Variants in CAMTA1 observed in about 807,000 individuals in gnomAD.
CAMTA1 encodes calmodulin-binding transcription activator 1.
CAMTA1 carries 27 observed loss-of-function variants against 170.9 expected under a neutral mutation model. The ratio of observed to expected loss-of-function variants is 0.16; its 90% CI spans 0.12 to 0.22. CAMTA1 has a LOEUF of 0.22. CAMTA1 is among the 10% of genes least tolerant of loss of function. The probability of loss-of-function intolerance (pLI) is 1.00; values close to 1 mark genes in which losing one functional copy is unlikely to be tolerated. For missense variants in CAMTA1, 1,619 were observed against 2,217.2 expected, an observed-to-expected ratio of 0.73 and a Z score of 5.42; for synonymous variants, 833 against 891.5, an observed-to-expected ratio of 0.93 and a Z score of 1.17.
intron 3 of CAMTA1, among the ~76,000 whole-genome samples, chr1:6,921,247 C>T (rs1681946396): frequency 6.6e-6 from 1 of 152,140 alleles, no homozygotes. Flanking sequence ...GGCAAAATGC[C>T]ACCTTTTTGC....
Position 6,994,855 on chromosome 1 carries a change from A to T in CAMTA1, c.235-96449A>T, listed in dbSNP as rs574438736. On this transcript the variant is annotated intron_variant, in intron 3 of 22. Transcript: ENST00000303635. ...ACTAAATTTTGTATTTTCTGTAGAG[A>T]CAGAGTTTCGCCATGTTGGTCAGGC... Among the ~76,000 whole-genome samples, 6 of 152,180 alleles carry T rather than the reference A, an allele frequency of 3.9e-5. No individual in the cohort carries two copies. In the South Asian group the frequency reaches 1.2e-3, roughly 32 times the overall value.
At chr1:7,711,047 A>C (rs2096567214) in intron 11 of CAMTA1, among the ~76,000 whole-genome samples, 1 of 152,132 alleles carries the variant, frequency 6.6e-6, no homozygotes, top group Non-Finnish European at 1.5e-5. Flanking sequence ...TGCTCTAACA[A>C]AGTACCATGG....
chr1:7,382,730 G>A (rs989132178), intron 5 of CAMTA1: 9 of 152,082 alleles, frequency 5.9e-5, no homozygotes, highest in African/African-American at 2.2e-4. Flanking sequence ...CCTCCTGCAG[G>A]CAAAAGAATA....
intron 11 of CAMTA1, among the ~76,000 whole-genome samples, chr1:7,704,306 G>A (rs892201765): frequency 6.9e-6 from 1 of 145,590 alleles, no homozygotes; most frequent in Admixed American, 6.8e-5. Context: ...GGAACGGGAG[G>A]CCCGCGCGGG....
chr1:6,979,791 GC>G (rs1477457914), intron 3 of CAMTA1, among the ~76,000 whole-genome samples: 1 of 151,550 alleles, frequency 6.6e-6, no homozygotes, highest in Non-Finnish European at 1.5e-5. Flanking sequence ...CCTCATGGTG[GC>G]GTAGCTGGGG....
chr1:7,081,001 T>C (rs1041560175), intron 3 of CAMTA1, among the ~76,000 whole-genome samples: 4 of 152,292 alleles, frequency 2.6e-5, no homozygotes, highest in Admixed American at 6.5e-5. Context: ...TGGCCAAAAT[T>C]CAGACCTCTT....
chr1:6,890,213 A>G (rs1420680872), intron 3 of CAMTA1, among the ~76,000 whole-genome samples: 1 of 152,164 alleles, frequency 6.6e-6, no homozygotes, highest in Admixed American at 6.5e-5. Context: ...TTCCTACTCC[A>G]TTAAGCCATG....
rs530297759 is a variant in CAMTA1, at chr1:7,226,241, T to C, written c.303-23250T>C. ...CAAAGCTCACTGCCTCCCCCTCAAA[T>C]TCCCGCCCCGCCACCTCACCCTCAT... On this transcript the variant is annotated intron_variant, in intron 4 of 22. Coordinates refer to ENST00000303635, the MANE Select transcript of CAMTA1 (RefSeq NM_015215.4). 3.3e-5 allele frequency among the ~76,000 whole-genome samples: 5 copies of C among 152,158 alleles called. No individual in the cohort carries two copies. In the East Asian group the frequency reaches 9.7e-4, roughly 29 times the overall value.
intron 5 of CAMTA1, among the ~76,000 whole-genome samples, chr1:7,253,016 AT>A (rs1301153147): frequency 6.6e-6 from 1 of 152,122 alleles, no homozygotes; most frequent in African/African-American, 2.4e-5. Flanking sequence ...TAGGTCCATG[AT>A]TAGTTGTCTT....
chr1:7,004,016 C>T (rs2100670405), intron 3 of CAMTA1, among the ~76,000 whole-genome samples: 1 of 152,314 alleles, frequency 6.6e-6, no homozygotes, highest in East Asian at 1.9e-4. Context: ...GAGATGATTT[C>T]AGCACAAGAA....
rs1436237240 is a variant in CAMTA1 at position 7,532,205 on chromosome 1, G to A, written c.510+64304G>A. On this transcript the variant is annotated intron_variant, in intron 6 of 22. Coordinates refer to ENST00000303635, the MANE Select transcript of CAMTA1 (RefSeq NM_015215.4). The surrounding 1 kb of genome is among the most constrained non-coding windows in gnomAD (Gnocchi z 4.2). ...AGCCAGTCCTTCCTGTGTGGCCTTC[G>A]GATTCTTGGTGGAGGGGACATTCTT... Among the ~76,000 whole-genome samples, 2 of 152,208 alleles carry A rather than the reference G, an allele frequency of 1.3e-5. No homozygotes were observed. The highest frequency in any genetic ancestry group is 4.8e-5 in the African/African-American group (2 of 41,468).
intron 4 of CAMTA1, among the ~76,000 whole-genome samples, chr1:7,141,013 C>T (rs961784964): frequency 2.0e-5 from 3 of 152,136 alleles, no homozygotes; most frequent in African/African-American, 7.2e-5. Context: ...GTTCTGTGAA[C>T]CTTCGGGGAT....
At chr1:7,317,882 T>C (rs1677772136) in intron 5 of CAMTA1, among the ~76,000 whole-genome samples, 1 of 152,266 alleles carries the variant, frequency 6.6e-6, no homozygotes, top group Admixed American at 6.5e-5. Context: ...TTATTGATCT[T>C]CTCTGTTCCT....
intron 5 of CAMTA1, among the ~76,000 whole-genome samples, chr1:7,270,807 C>T (rs1465889141): frequency 6.6e-6 from 1 of 152,060 alleles, no homozygotes; most frequent in Non-Finnish European, 1.5e-5. Context: ...ATAGTAAGAC[C>T]CTGTCTCAAA....
intron 3 of CAMTA1, among the ~76,000 whole-genome samples, chr1:6,923,752 C>T (rs1490061175): frequency 6.6e-6 from 1 of 152,266 alleles, no homozygotes; most frequent in East Asian, 1.9e-4. Context: ...ATAGTAAGCA[C>T]CTGTCCTATG....
chr1:7,066,735 G>A (rs193131045), intron 3 of CAMTA1, among the ~76,000 whole-genome samples: 1 of 152,276 alleles, frequency 6.6e-6, no homozygotes, highest in East Asian at 1.9e-4. Flanking sequence ...GACACGGGAC[G>A]GTCAGCTTCC....
intron 3 of CAMTA1, among the ~76,000 whole-genome samples, chr1:6,936,442 A>G (rs1685316849): frequency 6.6e-6 from 1 of 151,958 alleles, no homozygotes; most frequent in African/African-American, 2.4e-5. Context: ...TGGTGGCCAG[A>G]GGCAGATGCC....
At chr1:7,179,181 G>C (rs1409121682) in intron 4 of CAMTA1, among the ~76,000 whole-genome samples, 1 of 152,180 alleles carries the variant, frequency 6.6e-6, no homozygotes, top group African/African-American at 2.4e-5. Flanking sequence ...ACTACACTCA[G>C]AAAAATGGCT....
chr1:7,160,119 G>A (rs12021848), intron 4 of CAMTA1, among the ~76,000 whole-genome samples: 35,785 of 151,892 alleles, frequency 0.24, 4,885 homozygotes, highest in East Asian at 0.35. Context: ...CATGGTGATG[G>A]GTACCTCTAA....
Sources: allele counts gnomAD v4.1 joint callset (sites outside exome capture counted in the v4.1 genomes callset), GRCh38; gene constraint gnomAD v4.1.1; non-coding constraint Gnocchi (gnomAD v3.1); transcripts MANE v1.5; gene names NCBI Gene and HGNC (gene_info 2026-07-23, HGNC 2026-07-21).